The following EDNRA variants were observed in gnomAD, a reference collection of about 807,000 sequenced individuals.
EDNRA encodes the protein endothelin-1 receptor.
A neutral mutation model predicts 41.4 loss-of-function variants in EDNRA; 11 were observed. That is an observed-to-expected ratio of 0.27 (90% CI 0.17 to 0.44). The LOEUF (loss-of-function observed/expected upper bound fraction) is 0.44. Among genes scored for constraint, EDNRA ranks in the 20% least tolerant of loss-of-function variants. EDNRA has a pLI of 1.00. For synonymous variants in EDNRA, 172 were observed against 183.0 expected (o/e 0.94, Z 0.49); for missense variants, 294 against 531.0 (o/e 0.55, Z 4.39).
At chr4:147,523,615 C>T (rs1030785941) in intron 3 of EDNRA, among the ~76,000 whole-genome samples, 2 of 151,804 alleles carry the variant, frequency 1.3e-5, no homozygotes, top group Admixed American at 6.5e-5. Flanking sequence ...CTCAGCTTCC[C>T]GAGTAGCTGG....
chr4:147,528,357 CTTT>C (rs755450847), intron 3 of EDNRA, among the ~76,000 whole-genome samples: 4 of 119,454 alleles, frequency 3.3e-5, no homozygotes, highest in Admixed American at 8.1e-5. Flanking sequence ...TTCTTGCTTT[CTTT>C]TTTTTTTTTT....
intron 2 of EDNRA, chr4:147,494,873 T>G (rs1729255920): frequency 6.6e-6 from 1 of 152,170 alleles, no homozygotes; most frequent in Admixed American, 6.5e-5. Flanking sequence ...AGGAACATTC[T>G]GGCCAGGCAC....
chr4:147,533,474 G>C (rs1004394575), intron 4 of EDNRA, among the ~76,000 whole-genome samples: 1 of 152,174 alleles, frequency 6.6e-6, no homozygotes, highest in Non-Finnish European at 1.5e-5. Context: ...TTTGATGTAA[G>C]TTTCATGTAG....
chr4:147,504,918 A>G (rs1578788524), intron 2 of EDNRA, among the ~76,000 whole-genome samples: 2 of 140,998 alleles, frequency 1.4e-5, no homozygotes, highest in African/African-American at 5.4e-5. Context: ...AGATTGCACC[A>G]CTGCATACCA....
chr4:147,488,765 T>C (rs1411698388), intron 2 of EDNRA: 1 of 152,232 alleles, frequency 6.6e-6, no homozygotes, highest in Admixed American at 6.5e-5. Flanking sequence ...TTCTGACTTC[T>C]AAGCAGGATA....
chr4:147,497,266 G>A (rs1729337734), intron 2 of EDNRA, among the ~76,000 whole-genome samples: 1 of 149,800 alleles, frequency 6.7e-6, no homozygotes, highest in South Asian at 2.1e-4. Flanking sequence ...CAAATTGCTG[G>A]GATTACAGGC....
intron 3 of EDNRA, among the ~76,000 whole-genome samples, chr4:147,523,480 GT>G (rs1288499519): frequency 2.8e-5 from 4 of 140,584 alleles, no homozygotes; most frequent in Admixed American, 7.0e-5. Context: ...TGTTGTTGTT[GT>G]TTTTTTGTTT....
At chr4:147,536,730 G>A (rs1387389880) in intron 5 of EDNRA, among the ~76,000 whole-genome samples, 1 of 152,178 alleles carries the variant, frequency 6.6e-6, no homozygotes, top group Non-Finnish European at 1.5e-5. Flanking sequence ...TAAAGTGTTG[G>A]AGGACCCAAA....
At chr4:147,490,644 C>T (rs1212445245) in intron 2 of EDNRA, 1 of 151,576 alleles carries the variant, frequency 6.6e-6, no homozygotes, top group Non-Finnish European at 1.5e-5. Context: ...TGAAAATAAC[C>T]CCTGATTACT....
rs1224991154 is a variant in EDNRA at position 147,539,840 on chromosome 4, T to C, written c.924T>C (p.Val308=). The change falls in exon 6 of 8, where the codon GTT becomes GTC. Residue 308 remains valine (V), a synonymous_variant. Coordinates refer to ENST00000651419, the MANE Select transcript of EDNRA (RefSeq NM_001957.4). ...AGCGTCGAGAAGTGGCAAAAACAGT[T>C]TTCTGCTTGGTTGTAATTTTTGCTC... ...LKQRREVAKT[V]FCLVVIFALC... 1 of 1,610,674 alleles carries C rather than the reference T, an allele frequency of 6.2e-7. No individual in the cohort carries two copies. Among genetic ancestry groups the C allele is most frequent in the South Asian group, 1.1e-5 (1 of 90,100 alleles).
At chr4:147,541,537 T>C (rs1427765470) in intron 7 of EDNRA, among the ~76,000 whole-genome samples, 2 of 152,206 alleles carry the variant, frequency 1.3e-5, no homozygotes, top group African/African-American at 4.8e-5. Context: ...GATCACAGTA[T>C]CTCTCTCATA....
At chr4:147,484,642 G>C (rs541101562) in intron 1 of EDNRA, among the ~76,000 whole-genome samples, 1 of 152,316 alleles carries the variant, frequency 6.6e-6, no homozygotes, top group East Asian at 1.9e-4. Context: ...AGCTATATAG[G>C]ATGGTTAAAA....
rs1216937463 is a variant in EDNRA, at chr4:147,519,888, T to G, written c.458T>G (p.Phe153Cys). 1.2e-6 allele frequency: 2 copies of G among 1,613,546 alleles called. No homozygotes were observed. Among genetic ancestry groups the G allele is most frequent in the African/African-American group, 1.3e-5 (1 of 74,886 alleles). The change falls in exon 3 of 8, where the codon TTT becomes TGT. Residue 153 changes from phenylalanine to cysteine, a missense_variant. Physicochemically the swap from Phe to Cys is radical, Grantham distance 205. Around this residue, in one of 3 missense-constraint regions of EDNRA, gnomAD observed 185 missense variants for 390.8 expected, o/e 0.47. Transcript: ENST00000651419. The surrounding 1 kb of genome is among the most constrained non-coding windows in gnomAD (Gnocchi z 4.1). ...AGRWPFDHND[F>C]GVFLCKLFPF... ...CGCTGGCCTTTTGATCACAATGACT[T>G]TGGCGTATTTCTTTGCAAGCTGTTC...
At position 147,485,955 on chromosome 4, in the gene EDNRA, A is replaced by G. The variant is rs748172801; in HGVS notation, c.274A>G (p.Ile92Val). ...INTVISCTIF[I>V]VGMVGNATLL... ...CACTGTGATATCTTGTACTATTTTC[A>G]TCGTGGGAATGGTGGGGAATGCAAC... The change falls in exon 2 of 8, where the codon ATC (isoleucine) becomes GTC (valine). Residue 92 changes from isoleucine to valine, a missense_variant. Ile to Val is a conservative substitution (Grantham distance 29). Transcript: ENST00000651419. 1.9e-6 allele frequency: 3 copies of G among 1,614,252 alleles called. No individual in the cohort carries two copies. Among genetic ancestry groups the G allele is most frequent in the Middle Eastern group, 1.6e-4 (1 of 6,062 alleles).
chr4:147,505,522 A>C (rs1333387007), intron 2 of EDNRA, among the ~76,000 whole-genome samples: 1 of 149,204 alleles, frequency 6.7e-6, no homozygotes, highest in Non-Finnish European at 1.5e-5. Context: ...TTGTATTTTT[A>C]GTAGAGACGG....
intron 5 of EDNRA, among the ~76,000 whole-genome samples, chr4:147,539,132 C>T (rs993309815): frequency 6.6e-6 from 1 of 151,776 alleles, no homozygotes; most frequent in African/African-American, 2.4e-5. Context: ...AATCCTTTAC[C>T]CTCATCCTTC....
chr4:147,509,088 C>G (rs1729831675), intron 2 of EDNRA, among the ~76,000 whole-genome samples: 1 of 152,006 alleles, frequency 6.6e-6, no homozygotes. Flanking sequence ...CTATTTTATT[C>G]TTTTTTGGTA....
intron 3 of EDNRA, among the ~76,000 whole-genome samples, chr4:147,521,359 A>T (rs920919488): frequency 8.5e-5 from 13 of 152,224 alleles, no homozygotes; most frequent in Non-Finnish European, 1.8e-4. Flanking sequence ...TCATCTATTA[A>T]TAATACCCTT....
chr4:147,506,428 C>A, intron 2 of EDNRA: 1 of 396,154 alleles, frequency 2.5e-6, no homozygotes. Context: ...ATAGAGGAAT[C>A]TTCCAAACCT....
Sources: gnomAD v4.1 joint callset for allele counts (sites outside exome capture counted in the v4.1 genomes callset) on GRCh38, gnomAD v4.1.1 for gene constraint, gnomAD v4.1.1 regional missense constraint, Gnocchi (gnomAD v3.1) non-coding constraint, MANE v1.5 for transcripts, NCBI Gene and HGNC (gene_info 2026-07-23, HGNC 2026-07-21) for gene names.